GRID1: variants seen among roughly 807,000 people sequenced by gnomAD.
GRID1 encodes the protein glutamate ionotropic receptor delta type subunit 1, also known as glutamate receptor ionotropic, delta-1.
A neutral mutation model predicts 98.0 loss-of-function variants in GRID1; 28 were observed. The ratio of observed to expected loss-of-function variants is 0.29; its 90% confidence interval spans 0.21 to 0.39. The LOEUF (loss-of-function observed/expected upper bound fraction) is 0.39. Among genes scored for constraint, GRID1 ranks in the 10% least tolerant of loss-of-function variants. GRID1 has a pLI of 1.00. For synonymous variants in GRID1, 553 were observed against 538.5 expected, an observed-to-expected ratio of 1.03 and a Z score of -0.37; for missense variants, 1,111 against 1,340.5, an observed-to-expected ratio of 0.83 and a Z score of 2.67.
chr10:85,780,941 C>T (rs1022047706), intron 8 of GRID1, among the ~76,000 whole-genome samples: 1 of 152,170 alleles, frequency 6.6e-6, no homozygotes, highest in Admixed American at 6.5e-5. Context: ...CAGAAAATGC[C>T]CTGCTTGGCC....
In GRID1 at chr10:86,206,848, G is replaced by C. The variant is rs550464278; in HGVS notation, c.236-200C>G. On this transcript the variant is annotated intron_variant, in intron 2 of 15. Coordinates refer to ENST00000327946, the MANE Select transcript of GRID1 (RefSeq NM_017551.3). This position sits in a 1 kb window ranked among gnomAD's most constrained non-coding sequence, Gnocchi z 4.1. ...ACTGACATCCTTGGTGAAAATGCCA[G>C]CTATACATTCTTGTACCCATTTAAC... Among the ~76,000 whole-genome samples the C allele has an allele frequency of 3.9e-5, 6 of 152,324 alleles. No individual in the cohort carries two copies. In the South Asian group the frequency reaches 1.2e-3, roughly 32 times the overall value.
chr10:85,815,482 T>G (rs1477047606), intron 8 of GRID1, among the ~76,000 whole-genome samples: 1 of 151,996 alleles, frequency 6.6e-6, no homozygotes, highest in East Asian at 1.9e-4. Context: ...AAAATGATTC[T>G]CTATGTAGAA....
intron 2 of GRID1, among the ~76,000 whole-genome samples, chr10:86,357,141 C>T (rs1434261579): frequency 1.3e-5 from 2 of 152,232 alleles, no homozygotes; most frequent in Non-Finnish European, 2.9e-5. Context: ...CCACCCTGCC[C>T]ACACCTCAGG....
intron 2 of GRID1, among the ~76,000 whole-genome samples, chr10:86,296,772 T>C (rs1043128016): frequency 5.7e-5 from 8 of 139,136 alleles, no homozygotes; most frequent in African/African-American, 2.1e-4. Flanking sequence ...CATACATACA[T>C]GCATACATAC....
chr10:86,341,963 T>C (rs1589455322), intron 2 of GRID1, among the ~76,000 whole-genome samples: 2 of 152,326 alleles, frequency 1.3e-5, no homozygotes, highest in Middle Eastern at 3.4e-3. Context: ...GGGCACTAAT[T>C]CTAGAAGTTC....
chr10:85,982,955 T>C (rs757564011), intron 4 of GRID1, among the ~76,000 whole-genome samples: 35 of 152,328 alleles, frequency 2.3e-4, no homozygotes, highest in East Asian at 1.9e-4. Flanking sequence ...CCTGGCACTT[T>C]TATGGCTCCC....
intron 12 of GRID1, among the ~76,000 whole-genome samples, chr10:85,658,982 G>C (rs1840934136): frequency 6.6e-6 from 1 of 152,176 alleles, no homozygotes; most frequent in Non-Finnish European, 1.5e-5. Flanking sequence ...CTGAGTTTTT[G>C]TGGAAGTGCA....
chr10:86,148,479 G>C (rs1412963851), intron 3 of GRID1, among the ~76,000 whole-genome samples: 8 of 152,196 alleles, frequency 5.3e-5, no homozygotes, highest in Admixed American at 3.9e-4. Context: ...AGGGGACTGG[G>C]GAGATGCTGG....
chr10:85,845,114 T>TA lies in GRID1; in HGVS notation c.1233+9381dup, dbSNP rs565885463. 4.5e-3 allele frequency among the ~76,000 whole-genome samples: 653 copies of TA among 145,842 alleles called. 6 individuals are homozygous for TA. The highest frequency in any genetic ancestry group is 0.014 in the African/African-American group (567 of 39,894). On this transcript the variant is annotated intron_variant, in intron 8 of 15. Transcript: ENST00000327946. The stretch of plus-strand genomic sequence containing the variant: ...AATGCAACAAGACAGGAGAAAGAAA[T>TA]AAAAAAAAAACAATTAGAAATGCAA...
intron 15 of GRID1, chr10:85,607,008 A>G (rs1842675371): frequency 6.6e-6 from 1 of 152,160 alleles, no homozygotes; most frequent in Non-Finnish European, 1.5e-5. Context: ...ATCCCTGAAT[A>G]TGATATAAAA....
In GRID1 at chr10:86,206,862, T is replaced by C. The variant is rs1255235930; in HGVS notation, c.236-214A>G. On this transcript the variant is annotated intron_variant, in intron 2 of 15. Coordinates refer to ENST00000327946, the MANE Select transcript of GRID1 (RefSeq NM_017551.3). The surrounding 1 kb of genome is among the most constrained non-coding windows in gnomAD (Gnocchi z 4.1). Reference sequence around the variant, plus strand: ...TGAAAATGCCAGCTATACATTCTTGTACCCATTTAACATGAGAAAATAGAA... The same window carrying C: ...TGAAAATGCCAGCTATACATTCTTGCACCCATTTAACATGAGAAAATAGAA... Among the ~76,000 whole-genome samples the C allele has an allele frequency of 1.3e-5, 2 of 152,200 alleles. No homozygotes were observed. The highest frequency in any genetic ancestry group is 2.4e-5 in the African/African-American group (1 of 41,454).
In GRID1 at chr10:85,724,349, T is replaced by C. The variant is rs1484331736; in HGVS notation, c.1858+3A>G. 1 of 1,608,844 alleles carries C rather than the reference T, an allele frequency of 6.2e-7. No homozygotes were observed. Among genetic ancestry groups the C allele is most frequent in the Non-Finnish European group, 8.5e-7 (1 of 1,175,698 alleles). ...TTCAATGATCAGGAAACCAGAAAGG[T>C]ACCTTGCTGTACGAAGGCTCCATAG... is the stretch of plus-strand genomic sequence containing the variant. On this transcript the variant is annotated splice_donor_region_variant and intron_variant, in intron 11 of 15. Coordinates refer to ENST00000327946, the MANE Select transcript of GRID1 (RefSeq NM_017551.3).
At chr10:86,019,851 C>G (rs771936467) in intron 4 of GRID1, among the ~76,000 whole-genome samples, 2 of 152,232 alleles carry the variant, frequency 1.3e-5, no homozygotes, top group Non-Finnish European at 2.9e-5. Flanking sequence ...CAGGGTGGTT[C>G]GAGGAGCACA....
At chr10:85,662,168 T>G (rs1000094715) in intron 12 of GRID1, among the ~76,000 whole-genome samples, 24 of 152,208 alleles carry the variant, frequency 1.6e-4, no homozygotes, top group African/African-American at 5.8e-4. Context: ...CTGATTTGTT[T>G]GAGTGGATGA....
chr10:85,841,447 C>A (rs1464346736), intron 8 of GRID1, among the ~76,000 whole-genome samples: 1 of 151,988 alleles, frequency 6.6e-6, no homozygotes, highest in African/African-American at 2.4e-5. Flanking sequence ...GACAAAGAGG[C>A]CAAAAGCAAT....
At chr10:85,828,539 A>ATCACTATCTAGTCTAAT (rs1842840030) in intron 8 of GRID1, among the ~76,000 whole-genome samples, 1 of 152,096 alleles carries the variant, frequency 6.6e-6, no homozygotes, top group South Asian at 2.1e-4. Flanking sequence ...AGATTGATAG[A>ATCACTATCTAGTCTAAT]TCACTATCTA....
chr10:85,743,107 C>CA lies in GRID1; in HGVS notation c.1234-13494_1234-13493insT, dbSNP rs1554828614. 2.7e-4 allele frequency among the ~76,000 whole-genome samples: 30 copies of CA among 109,724 alleles called. 1 individual carries two copies. The highest frequency in any genetic ancestry group is 8.3e-4 in the African/African-American group (23 of 27,598). 72.0% of individuals were successfully genotyped at this position (109,724 alleles called of 152,430 possible). A position where few individuals can be genotyped will look rare whatever the true frequency, so the allele number is the denominator to read the frequency against. On this transcript the variant is annotated intron_variant, in intron 8 of 15. Coordinates refer to ENST00000327946, the MANE Select transcript of GRID1 (RefSeq NM_017551.3). ...CCCTTGGAGGATAGAATTATGCAGC[C>CA]CCCCCCCCCACCACCCATTGAGAAC...
At chr10:85,801,880 C>A (rs1288559605) in intron 8 of GRID1, among the ~76,000 whole-genome samples, 1 of 151,532 alleles carries the variant, frequency 6.6e-6, no homozygotes, top group Non-Finnish European at 1.5e-5. Context: ...ATATATAAAA[C>A]AAACAAAAAT....
chr10:85,848,367 T>A (rs1843026530), intron 8 of GRID1, among the ~76,000 whole-genome samples: 1 of 152,134 alleles, frequency 6.6e-6, no homozygotes, highest in African/African-American at 2.4e-5. Flanking sequence ...TATTCTATAA[T>A]AATGTGGTGA....
Sources: gnomAD v4.1 joint callset for allele counts (sites outside exome capture counted in the v4.1 genomes callset) on GRCh38, gnomAD v4.1.1 for gene constraint, Gnocchi (gnomAD v3.1) non-coding constraint, MANE v1.5 for transcripts, NCBI Gene and HGNC (gene_info 2026-07-23, HGNC 2026-07-21) for gene names.